The following NHSL3 variants were observed in gnomAD, a reference collection of about 807,000 sequenced individuals.
The protein encoded by NHSL3 is NHS-like protein 3.
At chr1:32,755,619 C>G in the NHSL3 span, among the ~76,000 whole-genome samples, 3 of 152,228 alleles carry the variant, frequency 2.0e-5, no homozygotes, top group African/African-American at 7.2e-5. Context: ...TTCTGGCTAG[C>G]CATTTCATGG....
the NHSL3 span, among the ~76,000 whole-genome samples, chr1:32,743,066 T>C: frequency 6.6e-6 from 1 of 152,228 alleles, no homozygotes; most frequent in African/African-American, 2.4e-5. Flanking sequence ...CATTTTCAGT[T>C]CCTTTCTTGG....
At chr1:32,770,745 C>T in the NHSL3 span, 2 of 1,569,006 alleles carry the variant, frequency 1.3e-6, no homozygotes, top group Admixed American at 1.8e-5. The surrounding 1 kb of genome is among the most constrained non-coding windows in gnomAD (Gnocchi z 8.3). Context: ...TAGGGTTGCC[C>T]CCTAAGCCTG....
At chr1:32,761,069 G>T in the NHSL3 span, among the ~76,000 whole-genome samples, 4 of 152,168 alleles carry the variant, frequency 2.6e-5, no homozygotes, top group African/African-American at 9.7e-5. Flanking sequence ...CTCAGATCCA[G>T]GAAGCCTCCT....
the NHSL3 span, among the ~76,000 whole-genome samples, chr1:32,755,760 T>C: frequency 6.0e-4 from 91 of 152,284 alleles, no homozygotes; most frequent in Admixed American, 1.0e-3. Flanking sequence ...CTTTGAGGAT[T>C]TCTCAGAAGG....
the NHSL3 span, among the ~76,000 whole-genome samples, chr1:32,760,297 C>A: frequency 1.3e-5 from 2 of 152,186 alleles, no homozygotes; most frequent in South Asian, 4.1e-4. Context: ...GCTGTGGGCG[C>A]GCCACCACCC....
At chr1:32,767,947 A>G in the NHSL3 span, 3 of 1,613,656 alleles carry the variant, frequency 1.9e-6, no homozygotes, top group Admixed American at 1.7e-5. Context: ...TCCGCTCCCT[A>G]CAACACCAAG....
At chr1:32,766,700 TC>T in the NHSL3 span, among the ~76,000 whole-genome samples, 1 of 152,154 alleles carries the variant, frequency 6.6e-6, no homozygotes, top group African/African-American at 2.4e-5. Context: ...TTTGTTCCCG[TC>T]CCTTTATAAG....
At chr1:32,767,330 A>T in the NHSL3 span, among the ~76,000 whole-genome samples, 1 of 151,982 alleles carries the variant, frequency 6.6e-6, no homozygotes, top group East Asian at 1.9e-4. Flanking sequence ...AGTCGTGTGT[A>T]TACTTGGTTA....
the NHSL3 span, chr1:32,773,204 T>C: frequency 2.1e-6 from 1 of 482,024 alleles, no homozygotes; most frequent in Non-Finnish European, 3.8e-6. Context: ...GGCTGCAGAG[T>C]TGGGAGCAGG....
At chr1:32,761,607 G>C in the NHSL3 span, among the ~76,000 whole-genome samples, 1 of 152,186 alleles carries the variant, frequency 6.6e-6, no homozygotes, top group Non-Finnish European at 1.5e-5. Flanking sequence ...AAGTCACTTA[G>C]CTCTCTGAGC....
the NHSL3 span, among the ~76,000 whole-genome samples, chr1:32,752,069 C>T: frequency 6.6e-6 from 1 of 152,174 alleles, no homozygotes; most frequent in Admixed American, 6.5e-5. Flanking sequence ...AGGGAATTGG[C>T]TAGCTGATCT....
chr1:32,748,005 G>A, the NHSL3 span, among the ~76,000 whole-genome samples: 1 of 152,224 alleles, frequency 6.6e-6, no homozygotes, highest in Non-Finnish European at 1.5e-5. Flanking sequence ...GGCTACTCGG[G>A]AGGCTGAGGC....
the NHSL3 span, among the ~76,000 whole-genome samples, chr1:32,752,317 G>A: frequency 1.3e-5 from 2 of 152,124 alleles, no homozygotes; most frequent in Admixed American, 6.6e-5. Flanking sequence ...TGGAGCCATC[G>A]GGCATAAGAG....
the NHSL3 span, among the ~76,000 whole-genome samples, chr1:32,752,135 C>G: frequency 6.6e-6 from 1 of 152,158 alleles, no homozygotes; most frequent in South Asian, 2.1e-4. Flanking sequence ...AAAGTGTACA[C>G]GCAGCTTGGT....
At chr1:32,760,799 C>A in the NHSL3 span, among the ~76,000 whole-genome samples, 1 of 152,090 alleles carries the variant, frequency 6.6e-6, no homozygotes, top group Non-Finnish European at 1.5e-5. Context: ...CGGCGTTGGC[C>A]AGGCTGGTCT....
chr1:32,756,783 A>G, the NHSL3 span, among the ~76,000 whole-genome samples: 1 of 152,060 alleles, frequency 6.6e-6, no homozygotes, highest in Non-Finnish European at 1.5e-5. Context: ...AGCCCAGCCA[A>G]CATGGTGAAA....
the NHSL3 span, among the ~76,000 whole-genome samples, chr1:32,758,662 A>C: frequency 6.6e-6 from 1 of 152,040 alleles, no homozygotes. Flanking sequence ...CGACTCAAGG[A>C]AGGGAAGCAC....
the NHSL3 span, among the ~76,000 whole-genome samples, chr1:32,762,444 T>A: frequency 6.7e-6 from 1 of 149,468 alleles, no homozygotes; most frequent in Non-Finnish European, 1.5e-5. Flanking sequence ...TTTTTTTTTT[T>A]AAGCTTTATT....
chr1:32,769,091 A>G, the NHSL3 span: 1 of 235,280 alleles, frequency 4.3e-6, no homozygotes, highest in Non-Finnish European at 8.4e-6. Context: ...CGTCTCTACT[A>G]AAAATACAAA....
Sources: gnomAD v4.1 joint callset for allele counts (sites outside exome capture counted in the v4.1 genomes callset) on GRCh38, gnomAD v4.1.1 for gene constraint, Gnocchi (gnomAD v3.1) non-coding constraint, MANE v1.5 for transcripts, NCBI Gene and HGNC (gene_info 2026-07-23, HGNC 2026-07-21) for gene names.